The following ENG variants were observed in gnomAD, a reference collection of about 807,000 sequenced individuals.
ENG encodes CD105 antigen.
ENG carries 17 observed loss-of-function variants against 71.0 expected under a neutral mutation model. That is an observed-to-expected ratio of 0.24 (90% CI 0.16 to 0.36). ENG has a LOEUF of 0.36. ENG is among the 10% of genes least tolerant of loss of function. ENG has a pLI of 1.00. For missense variants in ENG, 749 were observed against 868.3 expected (o/e 0.86, Z 1.73); for synonymous variants, 360 against 366.9 (o/e 0.98, Z 0.21).
chr9:127,832,662 A>C (rs1830794446), intron 2 of ENG: 1 of 152,246 alleles, frequency 6.6e-6, no homozygotes, highest in Admixed American at 6.6e-5. Flanking sequence ...AAGCAATGAG[A>C]GTGGAGAAGG....
chr9:127,817,056 C>CTA, intron 13 of ENG, 93 bp downstream of exon 13: 1 of 1,442,292 alleles, frequency 6.9e-7, no homozygotes, highest in Non-Finnish European at 9.7e-7. Flanking sequence ...TTGCCATGTG[C>CTA]TATGTGCCCA....
At chr9:127,830,340 TAAAAAAAAAAA>T (rs141738433) in intron 2 of ENG, among the ~76,000 whole-genome samples, 2 of 66,848 alleles carry the variant, frequency 3.0e-5, no homozygotes, top group Non-Finnish European at 5.8e-5. Context: ...AGACTCCATC[TAAAAAAAAAAA>T]AAAAAAAAAG....
intron 1 of ENG, among the ~76,000 whole-genome samples, chr9:127,850,587 G>A (rs543867303): frequency 2.7e-4 from 41 of 152,348 alleles, no homozygotes; most frequent in African/African-American, 8.4e-4. Flanking sequence ...AAATGGGAAC[G>A]CAGCCTCTAA....
At position 127,829,797 on chromosome 9, in the gene ENG, C is replaced by T; in HGVS notation, c.250G>A (p.Ala84Thr). ...GGCCAGGTGCCATTTTGCTTGGATG[C>T]CTGGAGAGTCAGCTCCAGCTGTGAC... is the stretch of plus-strand genomic sequence containing the variant. ...GPSQLELTLQ[A>T]SKQNGTWPRE... Residue 84 changes from alanine to threonine, a missense_variant, in exon 3 of 15, where the codon GCA (alanine) becomes ACA (threonine). Physicochemically the swap from Ala to Thr is moderately conservative, Grantham distance 58 (BLOSUM62 0). Transcript: ENST00000373203. The T allele has an allele frequency of 1.2e-6, 2 of 1,614,072 alleles. No individual in the cohort carries two copies. Among genetic ancestry groups the T allele is most frequent in the Non-Finnish European group, 1.7e-6 (2 of 1,180,012 alleles).
intron 1 of ENG, among the ~76,000 whole-genome samples, chr9:127,851,162 A>G (rs1289608611): frequency 2.0e-5 from 3 of 152,156 alleles, no homozygotes; most frequent in Non-Finnish European, 4.4e-5. Flanking sequence ...TTGAGGGGCA[A>G]GCTGAGGCAG....
chr9:127,829,857 G>T (rs1830721581), intron 2 of ENG, 30 bp from the exon 3 acceptor site: 1 of 1,613,288 alleles, frequency 6.2e-7, no homozygotes, highest in African/African-American at 1.3e-5. Context: ...GACACACACA[G>T]TCCAGTCAGA....
chr9:127,820,568 C>A (rs1297101614), intron 8 of ENG, among the ~76,000 whole-genome samples: 1 of 151,434 alleles, frequency 6.6e-6, no homozygotes, highest in East Asian at 2.0e-4. Context: ...GTGGCTCACG[C>A]CTGTAATCCC....
At position 127,854,375 on chromosome 9, in the gene ENG, G is replaced by T; in HGVS notation, c.-20C>A. The T allele has an allele frequency of 6.4e-7, 1 of 1,574,406 alleles. No individual in the cohort carries two copies. Among genetic ancestry groups the T allele is most frequent in the African/African-American group, 1.4e-5 (1 of 74,004 alleles). ...GTCCATGCTGTCCACGTGGGGGCCT[G>T]TGCGCTGGGCCTTATCCTGTGTCCA... On this transcript the variant is annotated 5_prime_UTR_variant, in exon 1 of 15. Coordinates refer to ENST00000373203, the MANE Select transcript of ENG (RefSeq NM_001114753.3).
At chr9:127,831,774 C>G (rs1830772891) in intron 2 of ENG, among the ~76,000 whole-genome samples, 1 of 151,580 alleles carries the variant, frequency 6.6e-6, no homozygotes, top group South Asian at 2.1e-4. Flanking sequence ...TCACTACAAC[C>G]TCTGCCTCCT....
chr9:127,844,718 C>T (rs141664673), intron 1 of ENG, among the ~76,000 whole-genome samples: 10,290 of 152,338 alleles, frequency 0.068, 477 homozygotes, highest in South Asian at 0.11. Context: ...CATGAGCCAC[C>T]ACACCCGGCT....
intron 3 of ENG, among the ~76,000 whole-genome samples, chr9:127,827,967 C>T (rs143010900): frequency 3.0e-4 from 39 of 131,842 alleles, no homozygotes; most frequent in African/African-American, 1.0e-3. Flanking sequence ...TGCAGTGAGG[C>T]GAGATGGGGC....
chr9:127,818,038 T>C, intron 12 of ENG, 82 bp downstream of exon 12: 1 of 1,607,022 alleles, frequency 6.2e-7, no homozygotes, highest in South Asian at 1.1e-5. Flanking sequence ...CCCACATCCC[T>C]GTGGGCTGCC....
Position 127,846,819 on chromosome 9 carries a change from G to A in ENG, c.68-3574C>T, listed in dbSNP as rs137953410. 4.1e-6 allele frequency: 4 copies of A among 966,100 alleles called. No homozygotes were observed. The East Asian group carries it at 4.6e-4, about 111-fold the overall frequency. The allele number at this position is 966,100 out of a possible 1,614,324, so 59.8% of individuals were successfully genotyped here. ...TGGGTCAGAGGAGGAGCCGCTGGGGGCCTGGGTGACTGGAACCCCAAGTGA... is the reference window on the plus strand; with the variant it reads ...TGGGTCAGAGGAGGAGCCGCTGGGGACCTGGGTGACTGGAACCCCAAGTGA... On this transcript the variant is annotated intron_variant, in intron 1 of 14. Transcript: ENST00000373203. The surrounding 1 kb of genome is among the most constrained non-coding windows in gnomAD (Gnocchi z 5.5).
At chr9:127,818,977 G>A (rs1830407093) in intron 10 of ENG, 145 bp from the exon 11 acceptor site, 9 of 716,220 alleles carry the variant, frequency 1.3e-5, no homozygotes, top group African/African-American at 3.6e-5. Context: ...TCGCTCTGTC[G>A]CCCAGGCTGG....
intron 8 of ENG, among the ~76,000 whole-genome samples, chr9:127,823,273 G>T (rs1342097792): frequency 5.4e-5 from 8 of 148,148 alleles, no homozygotes; most frequent in East Asian, 2.0e-4. Flanking sequence ...AGCCTCCCAA[G>T]TAGCTGGGAC....
At chr9:127,823,137 GC>G (rs1830508911) in intron 8 of ENG, among the ~76,000 whole-genome samples, 1 of 150,550 alleles carries the variant, frequency 6.6e-6, no homozygotes, top group South Asian at 2.1e-4. Context: ...ACTGTGCCTG[GC>G]CAGCATGTGT....
At chr9:127,825,140 C>T in intron 6 of ENG, 91 bp downstream of exon 6, 11 of 1,610,506 alleles carry the variant, frequency 6.8e-6, no homozygotes, top group Non-Finnish European at 9.3e-6. Context: ...TGTCCTTCAG[C>T]TCAGCTCGGG....
At chr9:127,826,953 C>G (rs114789503) in intron 3 of ENG, 2 of 465,156 alleles carry the variant, frequency 4.3e-6, no homozygotes, top group African/African-American at 3.9e-5. Context: ...CTCATTCAAC[C>G]CACATCTACG....
In ENG at chr9:127,818,771, G is replaced by A. The variant is rs1467151473; in HGVS notation, c.1373C>T (p.Pro458Leu). 3.7e-6 allele frequency: 6 copies of A among 1,614,082 alleles called. No homozygotes were observed. The highest frequency in any genetic ancestry group is 4.2e-6 in the Non-Finnish European group (5 of 1,179,998). The change falls in exon 11 of 15, where the codon CCA becomes CTA. Residue 458 changes from proline (P) to leucine (L), a missense_variant. Coordinates refer to ENST00000373203, the MANE Select transcript of ENG (RefSeq NM_001114753.3). ...GGTGTTGGAGGCCTGGAGGAAGTGT[G>A]GGCTGAGGTAGAGGCCCAGCTGGAA... ...LSFQLGLYLS[P>L]HFLQASNTIE... is the part of the protein sequence containing the mutation.
Sources: allele counts gnomAD v4.1 joint callset (sites outside exome capture counted in the v4.1 genomes callset), GRCh38; gene constraint gnomAD v4.1.1; non-coding constraint Gnocchi (gnomAD v3.1); transcripts MANE v1.5; gene names NCBI Gene and HGNC (gene_info 2026-07-23, HGNC 2026-07-21).